EPHX2: variants seen among roughly 807,000 people sequenced by gnomAD.
The protein encoded by EPHX2 is bifunctional epoxide hydrolase 2.
EPHX2 carries 74 observed loss-of-function variants against 78.7 expected under a neutral mutation model. That is an observed-to-expected ratio of 0.94 (90% CI 0.78 to 1.14). The LOEUF is 1.14. Among genes scored for constraint, EPHX2 ranks in the 50% most tolerant of loss-of-function variants. EPHX2 has a pLI of 0.00. For missense variants in EPHX2, 715 were observed against 702.5 expected (o/e 1.02, Z -0.20); for synonymous variants, 251 against 255.2 (o/e 0.98, Z 0.16).
chr8:27,547,875 G>C (rs1283553561), downstream of EPHX2, among the ~76,000 whole-genome samples: 1 of 152,178 alleles, frequency 6.6e-6, no homozygotes, highest in Non-Finnish European at 1.5e-5. Context: ...GTTGCTGCGA[G>C]AGACAAGATT....
In EPHX2 at chr8:27,524,545, C is replaced by T. The variant is rs1251257858; in HGVS notation, c.1059-817C>T. Among the ~76,000 whole-genome samples, 5 of 152,166 alleles carry T rather than the reference C, an allele frequency of 3.3e-5. 1 individual carries two copies. In the South Asian group the frequency reaches 1.0e-3, roughly 32 times the overall value. On this transcript the variant is annotated intron_variant, in intron 11 of 18. Coordinates refer to ENST00000521400, the MANE Select transcript of EPHX2 (RefSeq NM_001979.6). ...CCCACTGCCTTTCTGTTGTTATTTC[C>T]CAACATATTCCATTCCATGCTTGGC...
At chr8:27,501,959 G>A (rs1013569686) in intron 2 of EPHX2, among the ~76,000 whole-genome samples, 1 of 152,008 alleles carries the variant, frequency 6.6e-6, no homozygotes, top group Non-Finnish European at 1.5e-5. Flanking sequence ...CTTTTCATGT[G>A]TATATACTAT....
At position 27,541,542 on chromosome 8, in the gene EPHX2, G is replaced by C; in HGVS notation, c.1449G>C (p.Lys483Asn). The change falls in exon 16 of 19, where the codon AAG (lysine) becomes AAC (asparagine). Residue 483 changes from lysine to asparagine, a missense_variant and splice_region_variant. Coordinates refer to ENST00000521400, the MANE Select transcript of EPHX2 (RefSeq NM_001979.6). ...GGGCTTGCAAAAGCTTGGGACGGAA[G>C]GTGAGTGCCAGGTTCAGTGTAGTCT... ...WKWACKSLGR[K>N]ILIPALMVTA... is the part of the protein sequence containing the mutation. 1 of 1,614,222 alleles carries C rather than the reference G, an allele frequency of 6.2e-7. No homozygotes were observed. Among genetic ancestry groups the C allele is most frequent in the South Asian group, 1.1e-5 (1 of 91,086 alleles).
chr8:27,505,515 C>T (rs184093756), intron 4 of EPHX2, among the ~76,000 whole-genome samples: 4 of 152,300 alleles, frequency 2.6e-5, no homozygotes, highest in Admixed American at 1.3e-4. Flanking sequence ...GGACAGGCTC[C>T]GGTATTGCCA....
intron 12 of EPHX2, among the ~76,000 whole-genome samples, chr8:27,532,444 C>T (rs1378392492): frequency 6.6e-6 from 1 of 152,228 alleles, no homozygotes; most frequent in East Asian, 1.9e-4. Flanking sequence ...TGTGTTCCCA[C>T]TCCCGGGGCT....
intron 9 of EPHX2, among the ~76,000 whole-genome samples, chr8:27,520,677 C>T (rs1186096330): frequency 1.3e-5 from 2 of 152,080 alleles, no homozygotes; most frequent in African/African-American, 4.8e-5. Context: ...CTCCCAGACC[C>T]GTTGGATTAG....
At chr8:27,541,329 G>A in intron 15 of EPHX2, 144 bp from the exon 16 acceptor site, 3 of 792,240 alleles carry the variant, frequency 3.8e-6, no homozygotes, top group Non-Finnish European at 6.1e-6. Context: ...GCAAGGCGTG[G>A]GTCCTGGGCT....
intron 11 of EPHX2, 146 bp from the exon 12 acceptor site, chr8:27,525,216 C>T (rs1173714251): frequency 1.5e-6 from 1 of 662,172 alleles, no homozygotes; most frequent in African/African-American, 1.8e-5. Context: ...AGTTCTGATC[C>T]CATTCTCCCA....
rs1337299692 is a variant in EPHX2, at chr8:27,525,101, T to TGC, written c.1059-260_1059-259insCG. Reference sequence around the variant, plus strand: ...GTGTGTGTGTGTGTGTGTGTGTGTGTGTGTGTGCGCGCGCGCGCGCGCACC... The same window carrying TGC: ...GTGTGTGTGTGTGTGTGTGTGTGTGTGCGTGTGTGCGCGCGCGCGCGCGCACC... On this transcript the variant is annotated intron_variant, in intron 11 of 18. Coordinates refer to ENST00000521400, the MANE Select transcript of EPHX2 (RefSeq NM_001979.6). 2.1e-3 allele frequency among the ~76,000 whole-genome samples: 277 copies of TGC among 130,770 alleles called. 2 individuals are homozygous for TGC. The highest frequency in any genetic ancestry group is 6.3e-3 in the African/African-American group (189 of 30,044). The allele number at this position is 130,770 out of a possible 152,430, so 85.8% of individuals were successfully genotyped here. A position where few individuals can be genotyped will look rare whatever the true frequency, so the allele number is the denominator to read the frequency against.
In EPHX2 at chr8:27,506,953, G is replaced by A. The variant is rs1814032805; in HGVS notation, c.619G>A (p.Asp207Asn). The change falls in exon 5 of 19, where the codon GAC becomes AAC. Residue 207 changes from aspartate (D) to asparagine (N), a missense_variant. Transcript: ENST00000521400. Reference protein sequence around the residue: ...GMVTILVQDTDTALKELEKVT... With the variant: ...GMVTILVQDTNTALKELEKVT... ...GGTCACCATCCTGGTCCAGGACACT[G>A]ACACGGCCCTGAAAGAACTGGAGAA... 6.2e-7 allele frequency: 1 copy of A among 1,614,104 alleles called. No individual in the cohort carries two copies. The highest frequency in any genetic ancestry group is 8.5e-7 in the Non-Finnish European group (1 of 1,180,012).
intron 1 of EPHX2, among the ~76,000 whole-genome samples, chr8:27,496,573 G>A (rs1210362943): frequency 6.6e-6 from 1 of 152,202 alleles, no homozygotes; most frequent in African/African-American, 2.4e-5. Context: ...AGGAATTACT[G>A]CCTCACTGAT....
At position 27,544,211 on chromosome 8, in the gene EPHX2, T is replaced by C. The variant is rs1382692538; in HGVS notation, c.1556T>C (p.Ile519Thr). The stretch of plus-strand genomic sequence containing the variant: ...ATTCCCCACCTGAAAAGGGGACACA[T>C]TGAGGACTGTGGGCACTGGACACAG... ...DWIPHLKRGH[I>T]EDCGHWTQMD... Residue 519 changes from isoleucine to threonine, a missense_variant, in exon 18 of 19, where the codon ATT (isoleucine) becomes ACT (threonine). By Grantham distance (89) the Ile-to-Thr change is moderately conservative. Coordinates refer to ENST00000521400, the MANE Select transcript of EPHX2 (RefSeq NM_001979.6). The C allele has an allele frequency of 1.2e-6, 2 of 1,614,168 alleles. No homozygotes were observed. The highest frequency in any genetic ancestry group is 1.3e-5 in the African/African-American group (1 of 75,028).
intron 15 of EPHX2, among the ~76,000 whole-genome samples, 161 bp from the exon 16 acceptor site, chr8:27,541,312 C>A (rs1380859387): frequency 6.6e-6 from 1 of 152,230 alleles, no homozygotes; most frequent in African/African-American, 2.4e-5. Flanking sequence ...GGCAACTGCG[C>A]CCGACAGCAA....
At chr8:27,511,312 C>T (rs963551783) in intron 5 of EPHX2, among the ~76,000 whole-genome samples, 3 of 152,282 alleles carry the variant, frequency 2.0e-5, no homozygotes, top group East Asian at 3.9e-4. Context: ...TGAGCCTGGG[C>T]GACCATCGGA....
chr8:27,536,670 C>G, intron 12 of EPHX2, 114 bp from the exon 13 acceptor site: 1 of 1,001,950 alleles, frequency 1.0e-6, no homozygotes, highest in Non-Finnish European at 1.5e-6. Flanking sequence ...TCTGATGAAA[C>G]TTGGGCTGGA....
At chr8:27,548,364 G>A (rs1175226632), downstream of EPHX2, among the ~76,000 whole-genome samples, 2 of 152,178 alleles carry the variant, frequency 1.3e-5, no homozygotes, top group Non-Finnish European at 2.9e-5. Flanking sequence ...AACAGGAATT[G>A]GGTGACAAAT....
At chr8:27,506,787 T>A (rs1585192474) in intron 4 of EPHX2, 85 bp from the exon 5 acceptor site, 2 of 1,534,910 alleles carry the variant, frequency 1.3e-6, no homozygotes, top group East Asian at 4.5e-5. Flanking sequence ...GAAAAAGAGT[T>A]TTTAATCTCC....
At chr8:27,491,351 C>A in intron 1 of EPHX2, 42 bp downstream of exon 1, 1 of 1,379,086 alleles carries the variant, frequency 7.3e-7, no homozygotes, top group Non-Finnish European at 9.5e-7. Context: ...GTCGGGGCCT[C>A]AGGAGGCAGA....
At chr8:27,518,828 C>G (rs1446399910) in intron 9 of EPHX2, among the ~76,000 whole-genome samples, 2 of 152,186 alleles carry the variant, frequency 1.3e-5, no homozygotes, top group African/African-American at 4.8e-5. Context: ...CTCCTCCTTC[C>G]TCAGTTTTCC....
Sources: allele counts gnomAD v4.1 joint callset (sites outside exome capture counted in the v4.1 genomes callset), GRCh38; gene constraint gnomAD v4.1.1; transcripts MANE v1.5; gene names NCBI Gene and HGNC (gene_info 2026-07-23, HGNC 2026-07-21).